Variants in CHRM3 observed in about 807,000 individuals in gnomAD.
CHRM3 encodes muscarinic acetylcholine receptor M3.
Under a neutral mutation model 41.8 loss-of-function variants are expected in CHRM3, and 11 were observed. The observed-to-expected ratio is 0.26, with a 90% CI of 0.17 to 0.44. The LOEUF (loss-of-function observed/expected upper bound fraction) is 0.44, where lower values mean the gene tolerates loss of function less well. Among genes scored for constraint, CHRM3 ranks in the 20% least tolerant of loss-of-function variants. The pLI is 1.00. For missense variants in CHRM3, 571 were observed against 745.4 expected, an observed-to-expected ratio of 0.77 and a Z score of 2.72; for synonymous variants, 297 against 301.4, an observed-to-expected ratio of 0.99 and a Z score of 0.15.
chr1:239,562,233 G>T (rs1660924258), intron 3 of CHRM3, among the ~76,000 whole-genome samples: 1 of 152,176 alleles, frequency 6.6e-6, no homozygotes, highest in Admixed American at 6.5e-5. Context: ...AGGGAGGCAT[G>T]TGTTAGAGAC....
intron 2 of CHRM3, among the ~76,000 whole-genome samples, chr1:239,515,302 A>G (rs1002363341): frequency 3.3e-5 from 5 of 151,484 alleles, no homozygotes; most frequent in African/African-American, 4.8e-5. Context: ...CCTTAAAAAA[A>G]GCATTACGTA....
At chr1:239,411,103 C>A (rs529161013) in intron 1 of CHRM3, among the ~76,000 whole-genome samples, 1 of 152,164 alleles carries the variant, frequency 6.6e-6, no homozygotes, top group East Asian at 1.9e-4. Context: ...TTTTGTAATG[C>A]TTTAGTGTTG....
intron 3 of CHRM3, among the ~76,000 whole-genome samples, chr1:239,615,893 C>G (rs991283641): frequency 2.6e-5 from 4 of 152,194 alleles, no homozygotes; most frequent in Admixed American, 2.6e-4. Context: ...AGATATTCCA[C>G]TTTCTATATA....
chr1:239,685,714 C>T (rs867219700), intron 5 of CHRM3, among the ~76,000 whole-genome samples: 3 of 152,174 alleles, frequency 2.0e-5, no homozygotes, highest in African/African-American at 7.2e-5. Flanking sequence ...CCCAGCTACA[C>T]GGGAGGCTGA....
chr1:239,502,184 A>G (rs947062209), intron 2 of CHRM3, among the ~76,000 whole-genome samples: 2 of 152,228 alleles, frequency 1.3e-5, no homozygotes, highest in African/African-American at 4.8e-5. Flanking sequence ...ATAGACAATT[A>G]TCAAGATTAA....
chr1:239,545,826 A>G (rs1042153449), intron 3 of CHRM3, 77 bp downstream of exon 3: 2 of 152,186 alleles, frequency 1.3e-5, no homozygotes, highest in African/African-American at 4.8e-5. Context: ...TTTTATAATG[A>G]AAAATGTGTA....
chr1:239,637,297 G>A (rs1321139401), intron 4 of CHRM3, among the ~76,000 whole-genome samples: 1 of 151,976 alleles, frequency 6.6e-6, no homozygotes. Flanking sequence ...CGTAGAAAAT[G>A]TGCATAATAT....
intron 5 of CHRM3, among the ~76,000 whole-genome samples, chr1:239,751,201 A>G (rs565470504): frequency 1.1e-4 from 16 of 151,128 alleles, no homozygotes; most frequent in Non-Finnish European, 1.5e-4. Context: ...TCGCGCCACT[A>G]CACTCCAGCC....
rs184612839 is a variant in CHRM3, at chr1:239,785,330, A to G, written c.-146-41922A>G. ...GCTGAAATTCATGGAGATGGAAAACATTATTAAACCCGGTTATGTGACTTC... is the reference window on the plus strand; with the variant it reads ...GCTGAAATTCATGGAGATGGAAAACGTTATTAAACCCGGTTATGTGACTTC... On this transcript the variant is annotated intron_variant, in intron 5 of 6. Coordinates refer to ENST00000676153, the MANE Select transcript of CHRM3 (RefSeq NM_001375978.1). Among the ~76,000 whole-genome samples the G allele has an allele frequency of 2.6e-3, 393 of 152,344 alleles. 4 individuals are homozygous for G. The highest frequency in any genetic ancestry group is 0.023 in the Admixed American group (354 of 15,302).
intron 3 of CHRM3, among the ~76,000 whole-genome samples, chr1:239,613,991 A>G (rs1353566336): frequency 2.6e-5 from 4 of 151,958 alleles, no homozygotes; most frequent in Admixed American, 2.6e-4. Flanking sequence ...ACCCCTCTCT[A>G]CAAAAAAAAT....
At chr1:239,754,945 A>T in intron 5 of CHRM3, among the ~76,000 whole-genome samples, 1 of 152,202 alleles carries the variant, frequency 6.6e-6, no homozygotes, top group Non-Finnish European at 1.5e-5. Context: ...ATCATTAATT[A>T]ATTTAAAAAA....
intron 5 of CHRM3, among the ~76,000 whole-genome samples, chr1:239,753,835 A>G (rs1666029489): frequency 6.6e-6 from 1 of 152,222 alleles, no homozygotes; most frequent in African/African-American, 2.4e-5. Flanking sequence ...ATTTCCTAAG[A>G]GAATTTTTTA....
At chr1:239,534,940 A>C (rs1658053023) in intron 2 of CHRM3, among the ~76,000 whole-genome samples, 1 of 152,338 alleles carries the variant, frequency 6.6e-6, no homozygotes, top group East Asian at 1.9e-4. Flanking sequence ...ATTTTTTATA[A>C]GACTGCTAAT....
At chr1:239,433,812 G>A (rs141843118) in intron 1 of CHRM3, among the ~76,000 whole-genome samples, 224 of 152,230 alleles carry the variant, frequency 1.5e-3, no homozygotes, top group Non-Finnish European at 2.5e-3. Context: ...TGACTGAGTA[G>A]TATTCCATCG....
intron 5 of CHRM3, among the ~76,000 whole-genome samples, chr1:239,746,229 T>A (rs886991442): frequency 3.3e-5 from 5 of 152,262 alleles, no homozygotes; most frequent in Non-Finnish European, 7.3e-5. Context: ...TGAAGGTAAC[T>A]CTTCGTAATT....
chr1:239,676,047 C>T (rs1657971980), intron 4 of CHRM3, among the ~76,000 whole-genome samples: 1 of 152,164 alleles, frequency 6.6e-6, no homozygotes, highest in Non-Finnish European at 1.5e-5. Context: ...CCCCGCATAT[C>T]CATGCCCACT....
At chr1:239,663,567 G>A (rs1368762413) in intron 4 of CHRM3, among the ~76,000 whole-genome samples, 1 of 152,156 alleles carries the variant, frequency 6.6e-6, no homozygotes, top group Non-Finnish European at 1.5e-5. Flanking sequence ...TTTTAGGCCT[G>A]TTTGTATTTT....
Position 239,699,407 on chromosome 1 carries a change from C to G in CHRM3, c.-147+21119C>G, listed in dbSNP as rs538327092. On this transcript the variant is annotated intron_variant, in intron 5 of 6. Transcript: ENST00000676153. ...AGAAGAGATAGCTATCTCTCTTTGT[C>G]TTTTCCTTCACACTTGCACAAAGAA... 1.8e-4 allele frequency among the ~76,000 whole-genome samples: 28 copies of G among 152,188 alleles called. No individual in the cohort carries two copies. The South Asian group carries it at 5.6e-3, about 30-fold the overall frequency.
At chr1:239,743,916 A>C (rs1256119302) in intron 5 of CHRM3, among the ~76,000 whole-genome samples, 1 of 147,662 alleles carries the variant, frequency 6.8e-6, no homozygotes, top group Non-Finnish European at 1.5e-5. Context: ...TCAGTCTTCC[A>C]AACAGCTAGG....
Sources: gnomAD v4.1 joint callset for allele counts (sites outside exome capture counted in the v4.1 genomes callset) on GRCh38, gnomAD v4.1.1 for gene constraint, MANE v1.5 for transcripts, NCBI Gene and HGNC (gene_info 2026-07-23, HGNC 2026-07-21) for gene names.